ASB8: variants seen among roughly 807,000 people sequenced by gnomAD.
The protein encoded by ASB8 is ankyrin repeat and SOCS box containing 8.
In ASB8, 15 loss-of-function variants were observed where a neutral mutation model predicts 22.9. The observed-to-expected ratio is 0.66, with a 90% CI of 0.44 to 1.01. ASB8 has a LOEUF of 1.01. Among genes scored for constraint, ASB8 ranks in the 50% least tolerant of loss-of-function variants. The pLI is 0.00. For missense variants in ASB8, 294 were observed against 356.9 expected (o/e 0.82, Z 1.42); for synonymous variants, 124 against 140.8 (o/e 0.88, Z 0.84).
intron 1 of ASB8, among the ~76,000 whole-genome samples, chr12:48,155,716 T>C (rs1951289778): frequency 8.1e-6 from 1 of 124,196 alleles, no homozygotes; most frequent in African/African-American, 3.1e-5. Context: ...GATGACAGAG[T>C]GAGACTCCAT....
intron 2 of ASB8, 48 bp from the exon 3 acceptor site, chr12:48,151,353 CCAG>C (rs1306212778): frequency 6.2e-6 from 9 of 1,458,010 alleles, no homozygotes; most frequent in Non-Finnish European, 8.6e-6. Flanking sequence ...TCTGGCTTGC[CCAG>C]CAGGACAGAA....
intron 2 of ASB8, among the ~76,000 whole-genome samples, chr12:48,152,148 C>A (rs1257055513): frequency 1.8e-5 from 2 of 112,574 alleles, no homozygotes; most frequent in African/African-American, 7.0e-5. Flanking sequence ...GAAACTCCGT[C>A]TCAAAAAAAA....
Position 48,149,442 on chromosome 12 carries a change from A to G in ASB8, c.791T>C (p.Leu264Pro), listed in dbSNP as rs1247300581. Residue 264 changes from leucine to proline, a missense_variant, in exon 4 of 4, where the codon CTC (leucine) becomes CCC (proline). Coordinates refer to ENST00000317697, the MANE Select transcript of ASB8 (RefSeq NM_024095.5). ...ARYAVRRSLG[L>P]QYLPDAVKGL... is the part of the protein sequence containing the mutation. Reference sequence around the variant, plus strand: ...CTTCACTGCATCGGGGAGATACTGGAGTCCCAGGCTACGGCGCACGGCATA... The same window carrying G: ...CTTCACTGCATCGGGGAGATACTGGGGTCCCAGGCTACGGCGCACGGCATA... 6.2e-7 allele frequency: 1 copy of G among 1,613,908 alleles called. No individual in the cohort carries two copies. The highest frequency in any genetic ancestry group is 8.5e-7 in the Non-Finnish European group (1 of 1,179,876).
At chr12:48,151,058 A>C (rs1182024830) in intron 3 of ASB8, 143 bp downstream of exon 3, 12 of 660,840 alleles carry the variant, frequency 1.8e-5, no homozygotes, top group Non-Finnish European at 3.2e-5. Flanking sequence ...ATTTTCCTTA[A>C]TATTGGCTAT....
intron 2 of ASB8, 134 bp downstream of exon 2, chr12:48,153,234 C>G: frequency 9.7e-7 from 1 of 1,035,360 alleles, no homozygotes; most frequent in East Asian, 2.4e-5. Flanking sequence ...TTTTAATGAT[C>G]AAGTTAATGC....
In ASB8 at chr12:48,153,388, C is replaced by T; in HGVS notation, c.109G>A (p.Val37Ile). The change falls in exon 2 of 4, where the codon GTA (valine) becomes ATA (isoleucine). Residue 37 changes from valine to isoleucine, a missense_variant. Physicochemically the swap from Val to Ile is conservative, Grantham distance 29 (BLOSUM62 3). Coordinates refer to ENST00000317697, the MANE Select transcript of ASB8 (RefSeq NM_024095.5). ...AAIRSFPHDN[V>I]EDLIRGGADV... ...CTCACCCCTCTGATGAGGTCCTCTA[C>T]ATTATCATGTGGGAAGGAACGGATG... 1 of 1,614,018 alleles carries T rather than the reference C, an allele frequency of 6.2e-7. No individual in the cohort carries two copies. The highest frequency in any genetic ancestry group is 2.2e-5 in the East Asian group (1 of 44,874).
In ASB8 at chr12:48,148,918, C is replaced by T. The variant is rs756784979; in HGVS notation, c.*448G>A. ...ACCTCAGGTGATCCACCTGCCTCAGCCTCCCAAAGTCCTGGGATTACAGAC... is the reference window on the plus strand; with the variant it reads ...ACCTCAGGTGATCCACCTGCCTCAGTCTCCCAAAGTCCTGGGATTACAGAC... On this transcript the variant is annotated 3_prime_UTR_variant, in exon 4 of 4. Transcript: ENST00000317697. 1.1e-4 allele frequency: 19 copies of T among 168,466 alleles called. No homozygotes were observed. The highest frequency in any genetic ancestry group is 2.2e-4 in the Non-Finnish European group (17 of 77,346). 10.4% of individuals were successfully genotyped at this position (168,466 alleles called of 1,614,324 possible).
At chr12:48,153,551 C>T in intron 1 of ASB8, 22 bp from the exon 2 acceptor site, 1 of 1,590,960 alleles carries the variant, frequency 6.3e-7, no homozygotes, top group Non-Finnish European at 8.6e-7. Context: ...AAGTTTTCGG[C>T]ATATACAATA....
At chr12:48,156,656 C>T (rs142658091) in intron 1 of ASB8, among the ~76,000 whole-genome samples, 5 of 152,184 alleles carry the variant, frequency 3.3e-5, no homozygotes, top group Admixed American at 6.5e-5. Flanking sequence ...TTTTGTTAAC[C>T]ATTTCTGGGC....
intron 3 of ASB8, 111 bp from the exon 4 acceptor site, chr12:48,150,109 C>G (rs995184608): frequency 8.3e-7 from 1 of 1,205,740 alleles, no homozygotes; most frequent in Admixed American, 1.8e-5. Flanking sequence ...GTGCTCTGAA[C>G]AGGAGGGTCA....
intron 2 of ASB8, 140 bp from the exon 3 acceptor site, chr12:48,151,445 CTATTAA>C: frequency 1.0e-6 from 1 of 967,678 alleles, no homozygotes; most frequent in South Asian, 1.7e-5. Context: ...GTTTCCTTTT[CTATTAA>C]TATTATGTCA....
intron 1 of ASB8, among the ~76,000 whole-genome samples, chr12:48,156,297 T>C (rs915699215): frequency 6.6e-6 from 1 of 152,204 alleles, no homozygotes; most frequent in Admixed American, 6.5e-5. Context: ...CTCTATGACA[T>C]TTTCTAGATA....
intron 3 of ASB8, chr12:48,150,256 T>G (rs1179857999): frequency 7.2e-6 from 5 of 695,228 alleles, no homozygotes; most frequent in Non-Finnish European, 1.3e-5. Context: ...ATTTTGGTTT[T>G]TGCTGCAATG....
In ASB8 at chr12:48,153,506, A is replaced by T. The variant is rs778875437; in HGVS notation, c.-10T>A. The T allele has an allele frequency of 3.1e-6, 5 of 1,613,322 alleles. No individual in the cohort carries two copies. The highest frequency in any genetic ancestry group is 4.2e-6 in the Non-Finnish European group (5 of 1,179,582). ...ACATACTGGAACTCATCAAGGCTCA[A>T]GGTGTTCACATGCTCCAAACTGCCT... is the stretch of plus-strand genomic sequence containing the variant. On this transcript the variant is annotated 5_prime_UTR_variant, in exon 2 of 4. In the 5' UTR this introduces an upstream ATG that the reference lacks. Coordinates refer to ENST00000317697, the MANE Select transcript of ASB8 (RefSeq NM_024095.5).
At chr12:48,156,875 T>C (rs951006871) in intron 1 of ASB8, among the ~76,000 whole-genome samples, 2 of 151,904 alleles carry the variant, frequency 1.3e-5, no homozygotes, top group African/African-American at 4.8e-5. Context: ...CGTGTAAGGT[T>C]TGATCCCCTT....
rs370645915 is a variant in ASB8 at position 48,151,155 on chromosome 12, C to T, written c.234+46G>A. On this transcript the variant is annotated intron_variant, in intron 3 of 3. Transcript: ENST00000317697. ...GGAGAAATTCTAAGAAAACATGAAG[C>T]TCAAGTTTTAGTGAGTCATTAATGT... The T allele has an allele frequency of 3.2e-5, 46 of 1,450,080 alleles. 1 individual carries two copies. The East Asian group carries it at 5.0e-4, about 16-fold the overall frequency. 89.8% of individuals were successfully genotyped at this position (1,450,080 alleles called of 1,614,324 possible). A position where few individuals can be genotyped will look rare whatever the true frequency, so the allele number is the denominator to read the frequency against.
intron 1 of ASB8, among the ~76,000 whole-genome samples, chr12:48,155,133 A>C (rs1280613306): frequency 6.6e-6 from 1 of 152,242 alleles, no homozygotes; most frequent in Non-Finnish European, 1.5e-5. Flanking sequence ...GGGACCATTT[A>C]AAATTACAGC....
rs1188140402 is a variant in ASB8 at position 48,153,401 on chromosome 12, G to C, written c.96C>G (p.Phe32Leu). 3.1e-6 allele frequency: 5 copies of C among 1,613,876 alleles called. No homozygotes were observed. ...LIRTIAAIRSFPHDNVEDLIR... is the reference protein window; with the variant it reads ...LIRTIAAIRSLPHDNVEDLIR... ...TGAGGTCCTCTACATTATCATGTGG[G>C]AAGGAACGGATGGCAGCAATTGTTC... The change falls in exon 2 of 4, where the codon TTC (phenylalanine) becomes TTG (leucine). Residue 32 changes from phenylalanine to leucine, a missense_variant. Physicochemically the swap from Phe to Leu is conservative, Grantham distance 22. Coordinates refer to ENST00000317697, the MANE Select transcript of ASB8 (RefSeq NM_024095.5).
chr12:48,157,043 G>C (rs1291431768), intron 1 of ASB8: 1 of 150,372 alleles, frequency 6.7e-6, no homozygotes, highest in Non-Finnish European at 1.5e-5. Flanking sequence ...GCTCTGATGC[G>C]AGGGAGGCCT....
Sources: allele counts gnomAD v4.1 joint callset (sites outside exome capture counted in the v4.1 genomes callset), GRCh38; gene constraint gnomAD v4.1.1; transcripts MANE v1.5; gene names NCBI Gene and HGNC (gene_info 2026-07-23, HGNC 2026-07-21).